Variants in TRIM50 observed in about 807,000 individuals in gnomAD.
The protein encoded by TRIM50 is E3 ubiquitin-protein ligase TRIM50.
A neutral mutation model predicts 44.9 loss-of-function variants in TRIM50; 34 were observed. That is an observed-to-expected ratio of 0.76 (90% CI 0.58 to 1.01). The LOEUF (loss-of-function observed/expected upper bound fraction) is 1.01. Among genes scored for constraint, TRIM50 ranks in the 50% least tolerant of loss-of-function variants. The pLI is 0.00. For synonymous variants in TRIM50, 307 were observed against 291.1 expected (o/e 1.05, Z -0.56); for missense variants, 633 against 663.7 (o/e 0.95, Z 0.51).
intron 5 of TRIM50, 103 bp from the exon 6 acceptor site, chr7:73,316,792 T>G: frequency 1.3e-6 from 2 of 1,509,430 alleles, no homozygotes; most frequent in Non-Finnish European, 1.8e-6. Flanking sequence ...AGTGCAGGAC[T>G]GCAGTCACAA....
At chr7:73,314,729 A>G (rs1251876373) in intron 6 of TRIM50, 1 of 210,700 alleles carries the variant, frequency 4.7e-6, no homozygotes, top group East Asian at 1.6e-4. Flanking sequence ...ACACGCCTAT[A>G]GTCCCAACTA....
intron 5 of TRIM50, 95 bp from the exon 6 acceptor site, chr7:73,316,784 T>G (rs1312045743): frequency 1.3e-6 from 2 of 1,523,810 alleles, no homozygotes; most frequent in South Asian, 1.3e-5. Context: ...AGATCCACAG[T>G]GCAGGACTGC....
chr7:73,319,611 T>C (rs1373207788), intron 3 of TRIM50, among the ~76,000 whole-genome samples: 1 of 152,232 alleles, frequency 6.6e-6, no homozygotes, highest in Non-Finnish European at 1.5e-5. Context: ...TGGTACCGCC[T>C]GCCGCGCAAG....
intron 5 of TRIM50, among the ~76,000 whole-genome samples, chr7:73,318,389 G>A (rs1804408384): frequency 6.6e-6 from 1 of 152,136 alleles, no homozygotes; most frequent in South Asian, 2.1e-4. Flanking sequence ...CTCCTGCCTT[G>A]GCTTCCCAAA....
At chr7:73,315,924 A>C (rs568892686) in intron 6 of TRIM50, among the ~76,000 whole-genome samples, 1 of 147,644 alleles carries the variant, frequency 6.8e-6, no homozygotes, top group African/African-American at 2.5e-5. Flanking sequence ...CTTGTTGCCC[A>C]GGCTGGAGTG....
At position 73,313,007 on chromosome 7, in the gene TRIM50, C is replaced by T. The variant is rs376965946; in HGVS notation, c.1378G>A (p.Glu460Lys). 3 of 1,555,542 alleles carry T rather than the reference C, an allele frequency of 1.9e-6. No individual in the cohort carries two copies. Among genetic ancestry groups the T allele is most frequent in the Admixed American group, 1.9e-5 (1 of 51,294 alleles). The change falls in exon 7 of 7, where the codon GAG becomes AAG. Residue 460 changes from glutamate to lysine, a missense_variant. Glu to Lys is a moderately conservative substitution (Grantham distance 56). Coordinates refer to ENST00000333149, the MANE Select transcript of TRIM50 (RefSeq NM_178125.3). The surrounding 1 kb of genome is among the most constrained non-coding windows in gnomAD (Gnocchi z 4.9). ...LYPILDTCWH[E>K]RGSNSLPMVL... is the part of the protein sequence containing the mutation. ...ATGGGCAGCGAGTTGCTGCCCCTCT[C>T]GTGCCAGCAGGTGTCCAGGATGGGG...
chr7:73,325,092 G>A (rs1804594871), intron 1 of TRIM50, among the ~76,000 whole-genome samples: 2 of 151,408 alleles, frequency 1.3e-5, no homozygotes, highest in African/African-American at 4.9e-5. Context: ...AGCATGAAAG[G>A]GGCCATCTGC....
Position 73,324,708 on chromosome 7 carries a change from A to G in TRIM50, c.80T>C (p.Leu27Pro). ...GTAAGAGTGGCCACACTGCAGCATC[A>G]GGGGCTCCTTGAAGACCTCCAGGCA... ...PICLEVFKEP[L>P]MLQCGHSYCK... is the part of the protein sequence containing the mutation. The change falls in exon 2 of 7, where the codon CTG becomes CCG. Residue 27 changes from leucine (L) to proline (P), a missense_variant. Leu to Pro is a moderately conservative substitution (Grantham distance 98). Transcript: ENST00000333149. The G allele has an allele frequency of 6.2e-7, 1 of 1,614,192 alleles. No homozygotes were observed. Among genetic ancestry groups the G allele is most frequent in the Admixed American group, 1.7e-5 (1 of 60,018 alleles).
chr7:73,314,149 G>T, intron 6 of TRIM50: 1 of 381,844 alleles, frequency 2.6e-6, no homozygotes, highest in Non-Finnish European at 4.8e-6. Flanking sequence ...GGTGGCTCCG[G>T]CCCCTGCTGG....
intron 6 of TRIM50, chr7:73,314,203 GA>G: frequency 8.1e-6 from 3 of 371,444 alleles, no homozygotes; most frequent in South Asian, 2.8e-5. Flanking sequence ...TCCCGTTTGA[GA>G]AAAGGCCTAA....
chr7:73,313,259 GCTTGCCCTTA>G lies in TRIM50; in HGVS notation c.1116_1125del (p.Lys373Ter), dbSNP rs1410532377. ...ACGCCGTGCTCGGGGGACCTGTTCA[GCTTGCCCTTA>G]CGGCTGGCTGTGCCCTTGATGACCC... is the stretch of plus-strand genomic sequence containing the variant. On this transcript the variant is annotated frameshift_variant, in exon 7 of 7. Transcript: ENST00000333149. LOFTEE classifies it high-confidence loss of function. The surrounding 1 kb of genome is among the most constrained non-coding windows in gnomAD (Gnocchi z 4.9). The G allele has an allele frequency of 2.5e-6, 4 of 1,600,546 alleles. No homozygotes were observed. The African/African-American group carries it at 4.0e-5, about 16-fold the overall frequency.
chr7:73,317,044 G>A (rs1804378269), intron 5 of TRIM50: 2 of 178,260 alleles, frequency 1.1e-5, no homozygotes, highest in Non-Finnish European at 2.3e-5. Flanking sequence ...ACCAATTATG[G>A]GGGCCAAGTA....
At position 73,314,861 on chromosome 7, in the gene TRIM50, A is replaced by AG. The variant is rs1262782055; in HGVS notation, c.875-1352_875-1351insC. ...ACTCTGTCTCAAAAAAAAAAAAAAA[A>AG]AAAGGAAGGCTCAGCTGGTGGTGAC... is the stretch of plus-strand genomic sequence containing the variant. On this transcript the variant is annotated intron_variant, in intron 6 of 6. Transcript: ENST00000333149. The AG allele has an allele frequency of 1.3e-3, 251 of 195,126 alleles. 2 individuals are homozygous for AG. In the East Asian group the frequency reaches 0.032, roughly 25 times the overall value. 12.1% of individuals were successfully genotyped at this position (195,126 alleles called of 1,614,324 possible). A position where few individuals can be genotyped will look rare whatever the true frequency, so the allele number is the denominator to read the frequency against.
Position 73,312,574 on chromosome 7 carries a change from G to T in TRIM50, c.*347C>A. ...AAATAATGTCAAATTTATTATCCTTGATAGTAGTTGAAAGTTCACAGTAAT... is the reference window on the plus strand; with the variant it reads ...AAATAATGTCAAATTTATTATCCTTTATAGTAGTTGAAAGTTCACAGTAAT... On this transcript the variant is annotated 3_prime_UTR_variant, in exon 7 of 7. Transcript: ENST00000333149. 3.8e-6 allele frequency: 1 copy of T among 259,830 alleles called. No individual in the cohort carries two copies. The highest frequency in any genetic ancestry group is 7.2e-6 in the Non-Finnish European group (1 of 138,308). 16.1% of individuals were successfully genotyped at this position (259,830 alleles called of 1,614,324 possible). A position where few individuals can be genotyped will look rare whatever the true frequency, so the allele number is the denominator to read the frequency against.
Position 73,313,342 on chromosome 7 carries a change from C to T in TRIM50, c.1043G>A (p.Arg348His), listed in dbSNP as rs781997213. Residue 348 changes from arginine (R) to histidine (H), a missense_variant, in exon 7 of 7, where the codon CGC becomes CAC. By Grantham distance (29) the Arg-to-His change is conservative (BLOSUM62 0). Transcript: ENST00000333149. The surrounding 1 kb of genome is among the most constrained non-coding windows in gnomAD (Gnocchi z 4.9). ...VLASRGFSCGRHYWEVVVGSK... is the reference protein window; with the variant it reads ...VLASRGFSCGHHYWEVVVGSK... ...GCCCACCACCACCTCCCAGTAGTGG[C>T]GGCCGCAGGAGAAGCCGCGGCTGGC... The T allele has an allele frequency of 1.9e-6, 3 of 1,604,096 alleles. No individual in the cohort carries two copies. In the South Asian group the frequency reaches 3.4e-5, roughly 18 times the overall value.
intron 2 of TRIM50, among the ~76,000 whole-genome samples, chr7:73,321,257 G>C (rs1321958605): frequency 1.3e-5 from 2 of 152,136 alleles, no homozygotes; most frequent in East Asian, 3.9e-4. Flanking sequence ...GACATGGAGA[G>C]AGTCACTAAA....
At chr7:73,326,404 CTTTTT>C (rs36063137) in intron 1 of TRIM50, among the ~76,000 whole-genome samples, 2 of 138,902 alleles carry the variant, frequency 1.4e-5, no homozygotes, top group African/African-American at 5.2e-5. Context: ...AGCCTGGCCT[CTTTTT>C]TTTTTTTTTT....
At position 73,313,104 on chromosome 7, in the gene TRIM50, G is replaced by A. The variant is rs781787294; in HGVS notation, c.1281C>T (p.Phe427=). 7 of 1,594,452 alleles carry A rather than the reference G, an allele frequency of 4.4e-6. No individual in the cohort carries two copies. Among genetic ancestry groups the A allele is most frequent in the Non-Finnish European group, 5.1e-6 (6 of 1,171,210 alleles). ...GGTCATCGGGGCGGTCGGCATCGAA[G>A]AAGGTGAGTTCGCCCTGCTCATAGT... ...YLHYEQGELT[F]FDADRPDDLR... is the part of the protein sequence containing the mutation. The change falls in exon 7 of 7, where the codon TTC becomes TTT. Residue 427 remains phenylalanine (F), a synonymous_variant. Transcript: ENST00000333149. The surrounding 1 kb of genome is among the most constrained non-coding windows in gnomAD (Gnocchi z 4.9).
At chr7:73,314,048 C>A in intron 6 of TRIM50, 1 of 281,948 alleles carries the variant, frequency 3.5e-6, no homozygotes, top group South Asian at 4.6e-5. Context: ...ATCCGTTTAC[C>A]CCAGAAATGT....
Sources: allele counts gnomAD v4.1 joint callset (sites outside exome capture counted in the v4.1 genomes callset), GRCh38; gene constraint gnomAD v4.1.1; non-coding constraint Gnocchi (gnomAD v3.1); transcripts MANE v1.5; gene names NCBI Gene and HGNC (gene_info 2026-07-23, HGNC 2026-07-21).